Variants in FSD1 observed in about 807,000 individuals in gnomAD.
FSD1 encodes fibronectin type III and SPRY domain-containing protein 1.
Under a neutral mutation model 58.2 loss-of-function variants are expected in FSD1, and 23 were observed. The ratio of observed to expected loss-of-function variants is 0.40; its 90% CI spans 0.28 to 0.56. The LOEUF (loss-of-function observed/expected upper bound fraction) is 0.56, where lower values mean the gene tolerates loss of function less well. Ranked by LOEUF, FSD1 falls within the 20% of genes least tolerant of loss-of-function variation. The pLI, the probability that FSD1 is intolerant of heterozygous loss-of-function variation, is 0.54. For missense variants in FSD1, 563 were observed against 670.8 expected (o/e 0.84, Z 1.78); for synonymous variants, 265 against 263.4 (o/e 1.01, Z -0.06).
rs565030292 is a variant in FSD1, at chr19:4,306,478, T to G, written c.243+149T>G. ...ATCCACCTGTACACTCTCTCTTTTT[T>G]TTTTTTGAGACGGAGGTCTCGCTCT... On this transcript the variant is annotated intron_variant, in intron 3 of 12. Coordinates refer to ENST00000221856, the MANE Select transcript of FSD1 (RefSeq NM_024333.3). The G allele has an allele frequency of 9.5e-5, 68 of 717,190 alleles. 1 individual carries two copies. The highest frequency in any genetic ancestry group is 1.3e-4 in the Non-Finnish European group (57 of 443,894). The allele number at this position is 717,190 out of a possible 1,614,324, so 44.4% of individuals were successfully genotyped here.
intron 3 of FSD1, 32 bp downstream of exon 3, chr19:4,306,361 G>A (rs775541926): frequency 3.1e-4 from 495 of 1,609,072 alleles, no homozygotes; most frequent in Non-Finnish European, 4.0e-4. Context: ...CTCTCCCCCC[G>A]CCCCTCCTAC....
At chr19:4,307,012 A>G (rs1252667176) in intron 3 of FSD1, among the ~76,000 whole-genome samples, 1 of 152,158 alleles carries the variant, frequency 6.6e-6, no homozygotes, top group Non-Finnish European at 1.5e-5. Context: ...CCCAGGGGGA[A>G]TCTAGAGCCC....
intron 7 of FSD1, among the ~76,000 whole-genome samples, chr19:4,315,301 A>ATTTTTTTT (rs1219053251): frequency 7.5e-5 from 6 of 79,566 alleles, no homozygotes; most frequent in Non-Finnish European, 6.9e-5. Context: ...CGCCTGGTTA[A>ATTTTTTTT]TTTTTTTTTT....
At chr19:4,309,207 C>T (rs1477170340) in intron 4 of FSD1, among the ~76,000 whole-genome samples, 1 of 151,906 alleles carries the variant, frequency 6.6e-6, no homozygotes, top group Non-Finnish European at 1.5e-5. Context: ...GTGATTGTTA[C>T]ACTGCACTCT....
At chr19:4,318,689 T>C (rs1971781958) in intron 9 of FSD1, among the ~76,000 whole-genome samples, 183 bp from the exon 10 acceptor site, 3 of 152,106 alleles carry the variant, frequency 2.0e-5, no homozygotes, top group Non-Finnish European at 4.4e-5. Flanking sequence ...GTTTCCCAGA[T>C]GACGGAGGGC....
rs1599532549 is a variant in FSD1 at position 4,306,490 on chromosome 19, G to A, written c.243+161G>A. ...ACTCTCTCTTTTTTTTTTTTGAGAC[G>A]GAGGTCTCGCTCTGTCGCCCAGGCT... On this transcript the variant is annotated intron_variant, in intron 3 of 12. Transcript: ENST00000221856. Among the ~76,000 whole-genome samples, 6 of 149,952 alleles carry A rather than the reference G, an allele frequency of 4.0e-5. No individual in the cohort carries two copies. The South Asian group carries it at 1.3e-3, about 32-fold the overall frequency.
At chr19:4,306,738 G>A (rs1032945330) in intron 3 of FSD1, among the ~76,000 whole-genome samples, 1 of 151,854 alleles carries the variant, frequency 6.6e-6, no homozygotes, top group African/African-American at 2.4e-5. Flanking sequence ...ACAGGCATGA[G>A]CCCCCGCGCC....
intron 8 of FSD1, among the ~76,000 whole-genome samples, 200 bp from the exon 9 acceptor site, chr19:4,318,146 C>T (rs1971774934): frequency 6.6e-6 from 1 of 151,598 alleles, no homozygotes; most frequent in South Asian, 2.1e-4. Flanking sequence ...TCCTGTTGTC[C>T]TTCTGCTTGT....
At chr19:4,306,790 C>T (rs750041193) in intron 3 of FSD1, among the ~76,000 whole-genome samples, 19 of 151,990 alleles carry the variant, frequency 1.3e-4, no homozygotes, top group Admixed American at 3.3e-4. Context: ...TCCATCACGG[C>T]GTCCCCGAGT....
intron 5 of FSD1, 79 bp from the exon 6 acceptor site, chr19:4,310,396 G>C (rs537282275): frequency 6.2e-7 from 1 of 1,605,760 alleles, no homozygotes; most frequent in African/African-American, 1.3e-5. Flanking sequence ...CTGGACGGGA[G>C]CCCTGGGGAG....
chr19:4,310,192 T>G, intron 4 of FSD1, 81 bp from the exon 5 acceptor site: 1 of 1,533,984 alleles, frequency 6.5e-7, no homozygotes, highest in Non-Finnish European at 9.0e-7. Context: ...TCCACTGCAA[T>G]CCAGCCTGGG....
Position 4,318,399 on chromosome 19 carries a change from G to C in FSD1, c.853G>C (p.Asp285His). ...STSHQNLRVD[D>H]LSVEWDAMGG... ...ATCCCACCAGAACCTGCGGGTGGATGATCTCTCCGTGGAGTGGGACGCTAT... is the reference window on the plus strand; with the variant it reads ...ATCCCACCAGAACCTGCGGGTGGATCATCTCTCCGTGGAGTGGGACGCTAT... The change falls in exon 9 of 13, where the codon GAT becomes CAT. Residue 285 changes from aspartate (D) to histidine (H), a missense_variant. Asp to His is a moderately conservative substitution (Grantham distance 81). Transcript: ENST00000221856. The C allele has an allele frequency of 6.2e-7, 1 of 1,613,902 alleles. No individual in the cohort carries two copies. Among genetic ancestry groups the C allele is most frequent in the Admixed American group, 1.7e-5 (1 of 59,972 alleles).
intron 8 of FSD1, among the ~76,000 whole-genome samples, 166 bp from the exon 9 acceptor site, chr19:4,318,180 C>T (rs552714156): frequency 3.1e-4 from 47 of 151,326 alleles, no homozygotes; most frequent in Non-Finnish European, 4.7e-4. Context: ...TGTCTCTCTC[C>T]GAGGCTTCGT....
At position 4,317,237 on chromosome 19, in the gene FSD1, A is replaced by G. The variant is rs1971764668; in HGVS notation, c.756A>G (p.Ala252=). The G allele has an allele frequency of 6.2e-7, 1 of 1,612,952 alleles. No individual in the cohort carries two copies. Among genetic ancestry groups the G allele is most frequent in the Non-Finnish European group, 8.5e-7 (1 of 1,179,126 alleles). Residue 252 remains alanine (A), a synonymous_variant, in exon 8 of 13, where the codon GCA becomes GCG. Coordinates refer to ENST00000221856, the MANE Select transcript of FSD1 (RefSeq NM_024333.3). ...MNFRVKACNK[A]VAGEFSEPVT... The stretch of plus-strand genomic sequence containing the variant: ...TCCGTGTGAAGGCCTGTAACAAGGC[A>G]GTTGCAGGAGAGTTCTCTGAGCCGG...
intron 4 of FSD1, among the ~76,000 whole-genome samples, chr19:4,309,339 G>C (rs1236313075): frequency 6.6e-6 from 1 of 152,176 alleles, no homozygotes; most frequent in Non-Finnish European, 1.5e-5. Context: ...TGCACACTAA[G>C]AACTGCATTT....
At chr19:4,307,075 G>A (rs1971630737) in intron 3 of FSD1, among the ~76,000 whole-genome samples, 1 of 148,146 alleles carries the variant, frequency 6.8e-6, no homozygotes, top group South Asian at 2.2e-4. Flanking sequence ...TTTGTTTTGA[G>A]ACAGAGTCTT....
intron 7 of FSD1, among the ~76,000 whole-genome samples, chr19:4,313,226 G>A (rs879445917): frequency 2.1e-4 from 32 of 151,684 alleles, no homozygotes; most frequent in Non-Finnish European, 3.7e-4. Context: ...GGTGGTCCCC[G>A]CTACCAAGGG....
At chr19:4,305,920 G>A (rs768704281) in intron 1 of FSD1, 26 bp from the exon 2 acceptor site, 23 of 1,551,506 alleles carry the variant, frequency 1.5e-5, no homozygotes, top group Middle Eastern at 1.7e-4. Context: ...GTGCACCTGT[G>A]TGTGTCCACA....
Position 4,305,932 on chromosome 19 carries a change from T to C in FSD1, c.16-14T>C. 1 of 1,605,396 alleles carries C rather than the reference T, an allele frequency of 6.2e-7. No homozygotes were observed. Among genetic ancestry groups the C allele is most frequent in the Non-Finnish European group, 8.5e-7 (1 of 1,172,072 alleles). On this transcript the variant is annotated splice_polypyrimidine_tract_variant and intron_variant, in intron 1 of 12. Transcript: ENST00000221856. Reference sequence around the variant, plus strand: ...TGTGTGCACCTGTGTGTGTCCACACTTCTGGTGGTGCAGGAGGCCCTGAGG... The same window carrying C: ...TGTGTGCACCTGTGTGTGTCCACACCTCTGGTGGTGCAGGAGGCCCTGAGG...
Sources: gnomAD v4.1 joint callset for allele counts (sites outside exome capture counted in the v4.1 genomes callset) on GRCh38, gnomAD v4.1.1 for gene constraint, MANE v1.5 for transcripts, NCBI Gene and HGNC (gene_info 2026-07-23, HGNC 2026-07-21) for gene names.